ARFGEF1: variants seen among roughly 807,000 people sequenced by gnomAD.
ARFGEF1 encodes brefeldin A-inhibited guanine nucleotide-exchange protein 1.
In ARFGEF1, 42 loss-of-function variants were observed where a neutral mutation model predicts 231.0. The observed-to-expected ratio is 0.18, with a 90% confidence interval of 0.14 to 0.24. ARFGEF1 has a LOEUF of 0.24. Among genes scored for constraint, ARFGEF1 ranks in the 10% least tolerant of loss-of-function variants. The pLI is 1.00. For missense variants in ARFGEF1, 1,345 were observed against 2,192.0 expected (o/e 0.61, Z 7.72); for synonymous variants, 710 against 732.3 (o/e 0.97, Z 0.49).
At chr8:67,222,194 T>TATATACAC (rs1839202786) in intron 29 of ARFGEF1, among the ~76,000 whole-genome samples, 2 of 140,820 alleles carry the variant, frequency 1.4e-5, no homozygotes, top group Admixed American at 7.1e-5. Flanking sequence ...TATATATATA[T>TATATACAC]ATATATATAT....
intron 34 of ARFGEF1, among the ~76,000 whole-genome samples, chr8:67,208,936 A>C (rs987866896): frequency 6.6e-6 from 1 of 152,230 alleles, no homozygotes. Flanking sequence ...TCATTTAACA[A>C]CAACAAAAAA....
At chr8:67,307,270 G>A (rs1806792388) in intron 1 of ARFGEF1, among the ~76,000 whole-genome samples, 1 of 152,122 alleles carries the variant, frequency 6.6e-6, no homozygotes, top group Admixed American at 6.5e-5. Flanking sequence ...AACTCACAAA[G>A]GAAAATCATC....
intron 5 of ARFGEF1, among the ~76,000 whole-genome samples, chr8:67,185,221 G>A (rs951390268): frequency 3.3e-5 from 5 of 152,076 alleles, no homozygotes; most frequent in Non-Finnish European, 7.3e-5. Flanking sequence ...GTTTATCTCC[G>A]TCCACCTTCT....
intron 29 of ARFGEF1, 49 bp downstream of exon 29, chr8:67,224,854 T>A: frequency 2.2e-6 from 3 of 1,345,706 alleles, no homozygotes; most frequent in Non-Finnish European, 3.0e-6. Context: ...GTTAATTTGA[T>A]TAAAGTCAAA....
chr8:67,201,660 T>C (rs1168711657), intron 36 of ARFGEF1, 55 bp from the exon 37 acceptor site: 1 of 1,606,240 alleles, frequency 6.2e-7, no homozygotes, highest in Non-Finnish European at 8.5e-7. Flanking sequence ...TATGTAAAGG[T>C]GAAACAGCCC....
rs1838991883 is a variant in ARFGEF1 at position 67,217,907 on chromosome 8, T to C, written c.4488A>G (p.Leu1496=). The C allele has an allele frequency of 6.2e-7, 1 of 1,613,806 alleles. No individual in the cohort carries two copies. The highest frequency in any genetic ancestry group is 1.7e-5 in the Admixed American group (1 of 59,978). The change falls in exon 32 of 39, where the codon TTA becomes TTG. Residue 1496 remains leucine (L), a synonymous_variant. Transcript: ENST00000262215. ...YWCVQQDNEQ[L]ARSGTNCLEN... Reference sequence around the variant, plus strand: ...CTAAACAGTTTGTACCAGATCGCGCTAACTGCTCATTGTCTAGGAAAGAAA... The same window carrying C: ...CTAAACAGTTTGTACCAGATCGCGCCAACTGCTCATTGTCTAGGAAAGAAA...
intron 27 of ARFGEF1, among the ~76,000 whole-genome samples, chr8:67,226,613 T>G (rs967407916): frequency 6.6e-6 from 1 of 152,170 alleles, no homozygotes; most frequent in South Asian, 2.1e-4. Flanking sequence ...ATGATAGCTA[T>G]GATGATGCCA....
rs1338540454 is a variant in ARFGEF1, at chr8:67,190,646, T to C, written c.560+9750A>G. 1 of 1,612,458 alleles carries C rather than the reference T, an allele frequency of 6.2e-7. No individual in the cohort carries two copies. Among genetic ancestry groups the C allele is most frequent in the East Asian group, 2.2e-5 (1 of 44,892 alleles). On this transcript the variant is annotated intron_variant, in intron 5 of 5. Coordinates refer to the ARFGEF1 transcript ENST00000518789. ...ACTCCTTCTGCTTTTCGGGGTCCTC[T>C]TAGGGGCTTACGGTGAGACATATCC...
chr8:67,321,028 T>C (rs1321772652), intron 1 of ARFGEF1, among the ~76,000 whole-genome samples: 1 of 152,018 alleles, frequency 6.6e-6, no homozygotes, highest in Non-Finnish European at 1.5e-5. Context: ...CCTAAATGCA[T>C]GCTGAGTGAA....
rs1168508769 is a variant in ARFGEF1 at position 67,287,412 on chromosome 8, CACCCCATAT to C, written c.1027+534_1027+542del. 2.6e-5 allele frequency among the ~76,000 whole-genome samples: 4 copies of C among 152,180 alleles called. No homozygotes were observed. The East Asian group carries it at 5.8e-4, about 22-fold the overall frequency. On this transcript the variant is annotated intron_variant, in intron 7 of 38. Transcript: ENST00000262215. ...CATGTACCTGATTTTCTCCAGGCTTCACCCCATATACCTCTTCCTACTGATGATTCTGCT... is the reference window on the plus strand; with the variant it reads ...CATGTACCTGATTTTCTCCAGGCTTCACCTCTTCCTACTGATGATTCTGCT...
intron 1 of ARFGEF1, among the ~76,000 whole-genome samples, chr8:67,326,629 T>C (rs760343367): frequency 5.9e-5 from 9 of 152,228 alleles, no homozygotes; most frequent in Non-Finnish European, 1.0e-4. Flanking sequence ...TACTTAAGAT[T>C]ACCAAAGACA....
In ARFGEF1 at chr8:67,227,366, T is replaced by C. The variant is rs1563850032; in HGVS notation, c.3744-57A>G. 3.8e-6 allele frequency: 6 copies of C among 1,597,352 alleles called. No individual in the cohort carries two copies. In the South Asian group the frequency reaches 5.6e-5, roughly 15 times the overall value. Reference sequence around the variant, plus strand: ...CAAACCGATAAAACTCATCAGTTTTTCCCCCTTTCTTCTGTTTTTCTCCCT... The same window carrying C: ...CAAACCGATAAAACTCATCAGTTTTCCCCCCTTTCTTCTGTTTTTCTCCCT... On this transcript the variant is annotated intron_variant, in intron 26 of 38. Coordinates refer to ENST00000262215, the MANE Select transcript of ARFGEF1 (RefSeq NM_006421.5).
At chr8:67,222,303 T>C (rs1839225422) in intron 29 of ARFGEF1, among the ~76,000 whole-genome samples, 2 of 148,878 alleles carry the variant, frequency 1.3e-5, no homozygotes, top group South Asian at 4.3e-4. Flanking sequence ...TCTTATACTG[T>C]CACCCTGGCT....
chr8:67,340,838 A>C (rs148142297), intron 1 of ARFGEF1, among the ~76,000 whole-genome samples: 26 of 152,328 alleles, frequency 1.7e-4, no homozygotes, highest in African/African-American at 6.3e-4. Context: ...AAAAACTGTC[A>C]AAATCTGGAA....
intron 10 of ARFGEF1, among the ~76,000 whole-genome samples, chr8:67,268,061 G>A (rs1804922141): frequency 6.6e-6 from 1 of 152,116 alleles, no homozygotes; most frequent in African/African-American, 2.4e-5. Context: ...TAACAGATAA[G>A]AATTTTCAGA....
intron 23 of ARFGEF1, among the ~76,000 whole-genome samples, chr8:67,231,340 T>C (rs1195304621): frequency 1.3e-5 from 2 of 152,086 alleles, no homozygotes; most frequent in Admixed American, 6.6e-5. Flanking sequence ...AAATTTGATA[T>C]TGGATTTATG....
At chr8:67,229,515 GT>G (rs1435675888) in intron 23 of ARFGEF1, among the ~76,000 whole-genome samples, 1 of 152,040 alleles carries the variant, frequency 6.6e-6, no homozygotes, top group Non-Finnish European at 1.5e-5. Context: ...CTAAAGAAAT[GT>G]CTTAAGATTT....
intron 9 of ARFGEF1, among the ~76,000 whole-genome samples, chr8:67,275,004 G>A (rs1248814473): frequency 2.0e-5 from 3 of 152,004 alleles, no homozygotes; most frequent in Non-Finnish European, 4.4e-5. Flanking sequence ...GGTACAATCT[G>A]ACAAAATTAA....
intron 17 of ARFGEF1, among the ~76,000 whole-genome samples, chr8:67,256,715 A>T (rs1036611788): frequency 4.6e-5 from 7 of 152,222 alleles, no homozygotes; most frequent in Non-Finnish European, 1.0e-4. Context: ...AAAAAATACT[A>T]AAACTTTAAA....
Sources: allele counts gnomAD v4.1 joint callset (sites outside exome capture counted in the v4.1 genomes callset), GRCh38; gene constraint gnomAD v4.1.1; transcripts MANE v1.5; gene names NCBI Gene and HGNC (gene_info 2026-07-23, HGNC 2026-07-21).